The following IFI6 variants were observed in gnomAD, a reference collection of about 807,000 sequenced individuals.
The protein encoded by IFI6 is interferon alpha-inducible protein 6.
In IFI6, 10 loss-of-function variants were observed where a neutral mutation model predicts 12.7. That is an observed-to-expected ratio of 0.79 (90% CI 0.49 to 1.33). IFI6 has a LOEUF of 1.33. Among genes scored for constraint, IFI6 ranks in the 40% most tolerant of loss-of-function variants. IFI6 has a pLI of 0.00. For synonymous variants in IFI6, 89 were observed against 86.2 expected, an observed-to-expected ratio of 1.03 and a Z score of -0.18; for missense variants, 154 against 180.4, an observed-to-expected ratio of 0.85 and a Z score of 0.84.
chr1:27,669,246 T>G lies in IFI6; in HGVS notation c.69A>C (p.Ala23=). 1 of 1,551,926 alleles carries G rather than the reference T, an allele frequency of 6.4e-7. No individual in the cohort carries two copies. The highest frequency in any genetic ancestry group is 8.7e-7 in the Non-Finnish European group (1 of 1,147,040). Residue 23 remains alanine (A), a splice_region_variant and synonymous_variant, in exon 2 of 5, where the codon GCA becomes GCC. Coordinates refer to ENST00000361157, the MANE Select transcript of IFI6 (RefSeq NM_002038.4). ...CTGCATCCTTACCCGCATTCTCACC[T>G]GCCTCCACCCCACTGCAAGTGAAGA... ...LLLFTCSGVE[A]GKKKCSESSD... is the part of the protein sequence containing the mutation.
At position 27,668,226 on chromosome 1, in the gene IFI6, C is replaced by T. The variant is rs758060629; in HGVS notation, c.298G>A (p.Gly100Arg). Reference sequence around the variant, plus strand: ...CCAGGGGCCCAGGCCCCGCACTCACCGAGGCTCTGCAGCGTGGCCACTAGC... The same window carrying T: ...CCAGGGGCCCAGGCCCCGCACTCACTGAGGCTCTGCAGCGTGGCCACTAGC... ...GGLVATLQSLGAGGSSVVIGN... is the reference protein window; with the variant it reads ...GGLVATLQSLRAGGSSVVIGN... Residue 100 changes from glycine (G) to arginine (R), a missense_variant and splice_region_variant, in exon 4 of 5, where the codon GGG (glycine) becomes AGG (arginine). By Grantham distance (125) the Gly-to-Arg change is moderately radical. Transcript: ENST00000361157. The T allele has an allele frequency of 3.9e-6, 6 of 1,537,574 alleles. No homozygotes were observed. The highest frequency in any genetic ancestry group is 1.4e-5 in the African/African-American group (1 of 72,490).
In IFI6 at chr1:27,668,487, T is replaced by C. The variant is rs2090371992; in HGVS notation, c.119A>G (p.Lys40Arg). 1 of 1,611,802 alleles carries C rather than the reference T, an allele frequency of 6.2e-7. No homozygotes were observed. The change falls in exon 3 of 5, where the codon AAG (lysine) becomes AGG (arginine). Residue 40 changes from lysine (K) to arginine (R), a missense_variant. By Grantham distance (26) the Lys-to-Arg change is conservative. Coordinates refer to ENST00000361157, the MANE Select transcript of IFI6 (RefSeq NM_002038.4). ...TCCGACGGCCATGAAGGTCAGGGCC[T>C]TCCAGAACCCGGAGCCGCTGTCCGA... is the stretch of plus-strand genomic sequence containing the variant. ...ESSDSGSGFW[K>R]ALTFMAVGGG...
rs772420302 is a variant in IFI6 at position 27,668,255 on chromosome 1, C to G, written c.269G>C (p.Gly90Ala). 2.5e-6 allele frequency: 4 copies of G among 1,574,518 alleles called. No individual in the cohort carries two copies. The highest frequency in any genetic ancestry group is 2.7e-5 in the African/African-American group (2 of 74,086). Residue 90 changes from glycine to alanine, a missense_variant, in exon 4 of 5, where the codon GGG becomes GCG. Gly to Ala is a moderately conservative substitution (Grantham distance 60). Transcript: ENST00000361157. ...AILNGGGVPA[G>A]GLVATLQSLG... ...GCTCTGCAGCGTGGCCACTAGCCCC[C>G]CGGCGGGCACGCCGCCCCCATTCAG...
intron 2 of IFI6, 57 bp from the exon 3 acceptor site, chr1:27,668,592 C>A: frequency 7.2e-7 from 1 of 1,395,106 alleles, no homozygotes. Flanking sequence ...CAGGGGTCCC[C>A]TACTCTGTGT....
At chr1:27,669,600 A>C (rs2090389098) in intron 1 of IFI6, 2 of 440,070 alleles carry the variant, frequency 4.5e-6, no homozygotes, top group Admixed American at 7.1e-5. Flanking sequence ...AGCTCCGCAG[A>C]TGTCAATATC....
Position 27,668,466 on chromosome 1 carries a change from A to G in IFI6, c.140T>C (p.Val47Ala). 6.2e-7 allele frequency: 1 copy of G among 1,611,090 alleles called. No individual in the cohort carries two copies. The highest frequency in any genetic ancestry group is 8.5e-7 in the Non-Finnish European group (1 of 1,178,764). ...GFWKALTFMA[V>A]GGGLAVAGLP... ...TCGCCCTCCAGACCCACCTCCTCCG[A>G]CGGCCATGAAGGTCAGGGCCTTCCA... is the stretch of plus-strand genomic sequence containing the variant. Residue 47 changes from valine (V) to alanine (A), a missense_variant, in exon 3 of 5, where the codon GTC (valine) becomes GCC (alanine). Val to Ala is a moderately conservative substitution (Grantham distance 64). Transcript: ENST00000361157.
Position 27,666,101 on chromosome 1 carries a change from G to C in IFI6, c.*280C>G, listed in dbSNP as rs1014286741. ...GAAGTTTATTCTGTTTTCACATCTA[G>C]GTTGTTGGGGAGAGTGATAGACAAA... On this transcript the variant is annotated 3_prime_UTR_variant, in exon 5 of 5. Transcript: ENST00000361157. The C allele has an allele frequency of 1.6e-5, 5 of 316,038 alleles. No homozygotes were observed. The highest frequency in any genetic ancestry group is 2.9e-5 in the Non-Finnish European group (5 of 170,546). 19.6% of individuals were successfully genotyped at this position (316,038 alleles called of 1,614,324 possible). A position where few individuals can be genotyped will look rare whatever the true frequency, so the allele number is the denominator to read the frequency against.
intron 1 of IFI6, 130 bp from the exon 2 acceptor site, chr1:27,669,476 T>C: frequency 1.6e-6 from 1 of 613,944 alleles, no homozygotes; most frequent in Non-Finnish European, 2.9e-6. Context: ...CCAGGATCCC[T>C]CTCAGGAGCC....
Position 27,668,326 on chromosome 1 carries a change from G to T in IFI6, c.198C>A (p.Ile66=). The T allele has an allele frequency of 6.4e-7, 1 of 1,571,192 alleles. No individual in the cohort carries two copies. ...GCGAGGCAGCCACCGAGTTGGCCGC[G>T]ATGCCGGCGCCGGTGAAGCCCAGCG... ...LPALGFTGAG[I]AANSVAASLM... is the part of the protein sequence containing the mutation. The change falls in exon 4 of 5, where the codon ATC becomes ATA. Residue 66 remains isoleucine, a synonymous_variant. Transcript: ENST00000361157.
rs771084731 is a variant in IFI6 at position 27,668,443 on chromosome 1, G to A, written c.148+15C>T. On this transcript the variant is annotated intron_variant, in intron 3 of 4. Transcript: ENST00000361157. The stretch of plus-strand genomic sequence containing the variant: ...CCCGCCCCGCCTGCCCGAGATCCTC[G>A]CCCTCCAGACCCACCTCCTCCGACG... 13 of 1,606,746 alleles carry A rather than the reference G, an allele frequency of 8.1e-6. No homozygotes were observed. Among genetic ancestry groups the A allele is most frequent in the Non-Finnish European group, 9.3e-6 (11 of 1,176,736 alleles).
At chr1:27,668,815 A>C (rs1053241577) in intron 2 of IFI6, among the ~76,000 whole-genome samples, 9 of 152,056 alleles carry the variant, frequency 5.9e-5, no homozygotes, top group Admixed American at 6.6e-5. Context: ...AATGGACGCC[A>C]GGGTCTCTAC....
chr1:27,670,206 C>G (rs1278738871), intron 1 of IFI6: 1 of 152,142 alleles, frequency 6.6e-6, no homozygotes, highest in Non-Finnish European at 1.5e-5. Flanking sequence ...TGCAGTTTTA[C>G]TAATTTGCTA....
chr1:27,669,408 T>A, intron 1 of IFI6, 62 bp from the exon 2 acceptor site: 1 of 1,010,572 alleles, frequency 9.9e-7, no homozygotes, highest in Non-Finnish European at 1.5e-6. Flanking sequence ...AGCTCCGTTG[T>A]TTTCCCTTCC....
chr1:27,666,937 T>C (rs1298386695), intron 4 of IFI6, among the ~76,000 whole-genome samples: 2 of 151,940 alleles, frequency 1.3e-5, no homozygotes, highest in South Asian at 2.1e-4. Flanking sequence ...GGGCTGGTTC[T>C]TTGGGCTTTT....
intron 4 of IFI6, among the ~76,000 whole-genome samples, chr1:27,667,754 C>T (rs1272014308): frequency 4.6e-5 from 7 of 152,212 alleles, no homozygotes; most frequent in Non-Finnish European, 8.8e-5. Flanking sequence ...CTGGTCTAAA[C>T]TAGCAGGGAG....
In IFI6 at chr1:27,668,343, A is replaced by G. The variant is rs757628240; in HGVS notation, c.181T>C (p.Phe61Leu). Residue 61 changes from phenylalanine (F) to leucine (L), a missense_variant, in exon 4 of 5, where the codon TTC becomes CTC. Transcript: ENST00000361157. ...TTGGCCGCGATGCCGGCGCCGGTGA[A>G]GCCCAGCGCGGGCAGCCCGGCGACT... ...LAVAGLPALG[F>L]TGAGIAANSV... The G allele has an allele frequency of 1.2e-5, 19 of 1,569,490 alleles. No homozygotes were observed.
At chr1:27,669,389 G>A (rs1160945027) in intron 1 of IFI6, 43 bp from the exon 2 acceptor site, 1 of 1,219,456 alleles carries the variant, frequency 8.2e-7, no homozygotes, top group African/African-American at 1.5e-5. Context: ...AGCATTTTTG[G>A]AGCTCATCAG....
chr1:27,669,488 C>T (rs1264163242), intron 1 of IFI6, 142 bp from the exon 2 acceptor site: 1 of 596,102 alleles, frequency 1.7e-6, no homozygotes, highest in Non-Finnish European at 3.0e-6. Flanking sequence ...TCAGGAGCCT[C>T]GGGAATCCGT....
chr1:27,671,379 ATTTT>A (rs57090710), intron 1 of IFI6, among the ~76,000 whole-genome samples: 2 of 131,360 alleles, frequency 1.5e-5, no homozygotes, highest in African/African-American at 2.9e-5. Context: ...CCAAGCCCAC[ATTTT>A]TTTTTTTTTT....
Sources: gnomAD v4.1 joint callset for allele counts (sites outside exome capture counted in the v4.1 genomes callset) on GRCh38, gnomAD v4.1.1 for gene constraint, MANE v1.5 for transcripts, NCBI Gene and HGNC (gene_info 2026-07-23, HGNC 2026-07-21) for gene names.